Variants in RPTOR observed in about 807,000 individuals in gnomAD.
The protein encoded by RPTOR is regulatory-associated protein of mTOR.
Under a neutral mutation model 169.9 loss-of-function variants are expected in RPTOR, and 21 were observed. That is an observed-to-expected ratio of 0.12 (90% CI 0.09 to 0.18). The LOEUF is 0.18. Among genes scored for constraint, RPTOR ranks in the 10% least tolerant of loss-of-function variants. The pLI, the probability that RPTOR is intolerant of heterozygous loss-of-function variation, is 1.00. For missense variants in RPTOR, 1,133 were observed against 1,855.9 expected (o/e 0.61, Z 7.16); for synonymous variants, 732 against 753.2 (o/e 0.97, Z 0.46).
Position 80,936,677 on chromosome 17 carries a change from A to G in RPTOR, c.2920-3819A>G, listed in dbSNP as rs897712582. Among the ~76,000 whole-genome samples the G allele has an allele frequency of 6.6e-6, 1 of 152,276 alleles. No homozygotes were observed. ...GAACTGTTCTATATCTTCCACATTT[A>G]TCAAAACTCCGCCTGTACCTACAGA... On this transcript the variant is annotated intron_variant, in intron 24 of 33. Coordinates refer to ENST00000306801, the MANE Select transcript of RPTOR (RefSeq NM_020761.3). The surrounding 1 kb of genome is among the most constrained non-coding windows in gnomAD (Gnocchi z 4.1).
At chr17:80,938,451 G>A (rs577428097) in intron 24 of RPTOR, among the ~76,000 whole-genome samples, 2 of 152,348 alleles carry the variant, frequency 1.3e-5, no homozygotes, top group African/African-American at 4.8e-5. Flanking sequence ...TTCCTGCACA[G>A]CTTTGAGTCT....
chr17:80,906,864 G>A (rs550204224), intron 20 of RPTOR, among the ~76,000 whole-genome samples: 117 of 152,172 alleles, frequency 7.7e-4, no homozygotes, highest in African/African-American at 1.5e-3. Flanking sequence ...CCTCATGGGG[G>A]CCTCTTCAGG....
intron 1 of RPTOR, among the ~76,000 whole-genome samples, chr17:80,572,170 T>G (rs2143313401): frequency 6.6e-6 from 1 of 152,256 alleles, no homozygotes; most frequent in African/African-American, 2.4e-5. Context: ...CCATCACGGC[T>G]CACTGCAGCC....
intron 6 of RPTOR, among the ~76,000 whole-genome samples, chr17:80,771,041 G>A (rs574746027): frequency 1.6e-4 from 25 of 152,328 alleles, no homozygotes; most frequent in African/African-American, 3.8e-4. Context: ...CTTCTGAGCC[G>A]TCAGCCTCAC....
At chr17:80,838,113 T>G in intron 10 of RPTOR, 116 bp downstream of exon 10, 1 of 769,112 alleles carries the variant, frequency 1.3e-6, no homozygotes, top group South Asian at 1.7e-5. Flanking sequence ...TGTCAGATTT[T>G]GTTCACCTGC....
intron 6 of RPTOR, among the ~76,000 whole-genome samples, chr17:80,788,558 C>T (rs1487370413): frequency 1.3e-5 from 2 of 152,152 alleles, no homozygotes; most frequent in South Asian, 4.1e-4. Flanking sequence ...TTCCTGCATC[C>T]TGTGTTAATC....
At chr17:80,846,350 C>T (rs552823253) in intron 10 of RPTOR, 123 bp from the exon 11 acceptor site, 19 of 911,930 alleles carry the variant, frequency 2.1e-5, no homozygotes, top group African/African-American at 3.2e-5. Flanking sequence ...GCCTGGCATC[C>T]TCGCGGCCCT....
At chr17:80,545,853 G>T in intron 1 of RPTOR, 62 bp downstream of exon 1, 1 of 1,411,142 alleles carries the variant, frequency 7.1e-7, no homozygotes, top group Non-Finnish European at 9.6e-7. Context: ...AAAGTTTACA[G>T]CCCGAAAAGT....
chr17:80,918,050 G>A (rs1302610362), intron 21 of RPTOR, among the ~76,000 whole-genome samples: 1 of 152,198 alleles, frequency 6.6e-6, no homozygotes. Flanking sequence ...CAGGAATGTG[G>A]CATGCCAGCA....
At chr17:80,586,367 C>A (rs1428137597) in intron 1 of RPTOR, among the ~76,000 whole-genome samples, 1 of 152,128 alleles carries the variant, frequency 6.6e-6, no homozygotes, top group Non-Finnish European at 1.5e-5. Flanking sequence ...GTAACCACGT[C>A]GTGATCACAG....
chr17:80,696,282 A>G (rs888372816), intron 3 of RPTOR, among the ~76,000 whole-genome samples: 3 of 152,264 alleles, frequency 2.0e-5, no homozygotes, highest in Non-Finnish European at 4.4e-5. Context: ...GCATCTTATT[A>G]TGAAATATTG....
chr17:80,815,319 G>A (rs2067311892), intron 7 of RPTOR, among the ~76,000 whole-genome samples: 1 of 152,244 alleles, frequency 6.6e-6, no homozygotes, highest in Admixed American at 6.5e-5. Context: ...AGGCCCCGTG[G>A]AGAGAGAGCT....
At chr17:80,853,267 A>G (rs2067813989) in intron 11 of RPTOR, among the ~76,000 whole-genome samples, 1 of 152,042 alleles carries the variant, frequency 6.6e-6, no homozygotes, top group Admixed American at 6.5e-5. Flanking sequence ...TAGCCCGTGC[A>G]TCCTCAGACA....
Position 80,699,473 on chromosome 17 carries a change from G to C in RPTOR, c.349-8368G>C, listed in dbSNP as rs1401001566. ...AAGAGGTGCTATGCACGGTACCCTG[G>C]TGCAGTGATGGGGAGCTAGAGGTGC... is the stretch of plus-strand genomic sequence containing the variant. On this transcript the variant is annotated intron_variant, in intron 3 of 33. Coordinates refer to ENST00000306801, the MANE Select transcript of RPTOR (RefSeq NM_020761.3). 2.0e-5 allele frequency among the ~76,000 whole-genome samples: 3 copies of C among 147,298 alleles called. No individual in the cohort carries two copies. In the East Asian group the frequency reaches 6.1e-4, roughly 30 times the overall value.
rs920375906 is a variant in RPTOR at position 80,820,326 on chromosome 17, T to A, written c.891-1875T>A. Among the ~76,000 whole-genome samples the A allele has an allele frequency of 5.3e-5, 8 of 152,144 alleles. No individual in the cohort carries two copies. The highest frequency in any genetic ancestry group is 1.3e-4 in the Admixed American group (2 of 15,282). Reference sequence around the variant, plus strand: ...CGGTTTTCAGCATATGTGTTTCTCATCTGCAGGTGTGGGACCCAAGACACA... The same window carrying A: ...CGGTTTTCAGCATATGTGTTTCTCAACTGCAGGTGTGGGACCCAAGACACA... On this transcript the variant is annotated intron_variant, in intron 7 of 33. Transcript: ENST00000306801. The surrounding 1 kb of genome is among the most constrained non-coding windows in gnomAD (Gnocchi z 4.1).
Position 80,545,691 on chromosome 17 carries a change from T to C in RPTOR, c.62T>C (p.Leu21Pro), listed in dbSNP as rs2084266129. ...CTGGGGGAGGAAGATGAGGCTGATC[T>C]TACAGACTGGAACCTACCTTTGGCT... ...LGLGEEDEADLTDWNLPLAFM... is the reference protein window; with the variant it reads ...LGLGEEDEADPTDWNLPLAFM... Residue 21 changes from leucine (L) to proline (P), a missense_variant, in exon 1 of 34, where the codon CTT becomes CCT. Coordinates refer to ENST00000306801, the MANE Select transcript of RPTOR (RefSeq NM_020761.3). The C allele has an allele frequency of 6.2e-7, 1 of 1,613,896 alleles. No homozygotes were observed. Among genetic ancestry groups the C allele is most frequent in the Non-Finnish European group, 8.5e-7 (1 of 1,179,892 alleles).
intron 5 of RPTOR, among the ~76,000 whole-genome samples, chr17:80,741,752 C>A (rs1452309089): frequency 6.6e-6 from 1 of 152,178 alleles, no homozygotes; most frequent in African/African-American, 2.4e-5. Flanking sequence ...CTAGAACAGA[C>A]AATGGCTGAA....
chr17:80,836,668 T>TA (rs1382579841), intron 9 of RPTOR, among the ~76,000 whole-genome samples: 1 of 152,062 alleles, frequency 6.6e-6, no homozygotes, highest in East Asian at 1.9e-4. Flanking sequence ...GGGGCTGTGT[T>TA]AGAGCCTCCG....
chr17:80,605,476 T>C (rs1297347548), intron 1 of RPTOR, among the ~76,000 whole-genome samples: 3 of 152,172 alleles, frequency 2.0e-5, no homozygotes, highest in Non-Finnish European at 2.9e-5. Context: ...TTTCCGTTAC[T>C]GTGTCCGTGA....
Sources: gnomAD v4.1 joint callset for allele counts (sites outside exome capture counted in the v4.1 genomes callset) on GRCh38, gnomAD v4.1.1 for gene constraint, Gnocchi (gnomAD v3.1) non-coding constraint, MANE v1.5 for transcripts, NCBI Gene and HGNC (gene_info 2026-07-23, HGNC 2026-07-21) for gene names.